ERCC5: variants seen among roughly 807,000 people sequenced by gnomAD.
ERCC5 encodes ERCC excision repair 5, endonuclease.
Under a neutral mutation model 105.6 loss-of-function variants are expected in ERCC5, and 68 were observed. The ratio of observed to expected loss-of-function variants is 0.64; its 90% confidence interval spans 0.53 to 0.79. The LOEUF (loss-of-function observed/expected upper bound fraction) is 0.79. Ranked by LOEUF, ERCC5 falls within the 30% of genes least tolerant of loss-of-function variation. The probability of loss-of-function intolerance (pLI) is 0.00; values close to 1 mark genes in which losing one functional copy is unlikely to be tolerated. For missense variants in ERCC5, 1,373 were observed against 1,426.7 expected (o/e 0.96, Z 0.61); for synonymous variants, 546 against 526.2 (o/e 1.04, Z -0.51).
At chr13:102,869,849 G>A (rs576127546) in intron 12 of ERCC5, among the ~76,000 whole-genome samples, 1 of 152,280 alleles carries the variant, frequency 6.6e-6, no homozygotes, top group South Asian at 2.1e-4. Context: ...TAGACGGTTT[G>A]TGTTTCTGAT....
At chr13:102,858,134 G>A in intron 5 of ERCC5, 141 bp from the exon 6 acceptor site, 1 of 1,211,750 alleles carries the variant, frequency 8.3e-7, no homozygotes, top group Non-Finnish European at 1.2e-6. Context: ...GCCTGTCACA[G>A]ATTATATGCA....
At chr13:102,852,049 AT>A in intron 1 of ERCC5, 68 bp from the exon 2 acceptor site, 1 of 1,540,118 alleles carries the variant, frequency 6.5e-7, no homozygotes, top group Admixed American at 1.7e-5. Flanking sequence ...AATATCAGTT[AT>A]TAGGAAATTG....
In ERCC5 at chr13:102,868,191, G is replaced by T. The variant is rs772219063; in HGVS notation, c.2612G>T (p.Cys871Phe). 2 of 1,614,218 alleles carry T rather than the reference G, an allele frequency of 1.2e-6. No homozygotes were observed. The highest frequency in any genetic ancestry group is 1.3e-5 in the African/African-American group (1 of 75,066). The change falls in exon 12 of 15, where the codon TGT (cysteine) becomes TTT (phenylalanine). Residue 871 changes from cysteine (C) to phenylalanine (F), a missense_variant. Around this residue, in one of 3 missense-constraint regions of ERCC5, gnomAD observed 1,004 missense variants for 1,059.7 expected, o/e 0.95. Transcript: ENST00000652225. ...ACCGAAGGAATACCAACTGTGGGTT[G>T]TGTAACCGCCATGGAAATTCTCAAT... ...DYTEGIPTVG[C>F]VTAMEILNEF...
chr13:102,875,277 A>G (rs750605301), intron 14 of ERCC5, 30 bp from the exon 15 acceptor site: 148 of 1,599,470 alleles, frequency 9.3e-5, no homozygotes, highest in Non-Finnish European at 1.2e-4. Flanking sequence ...TGTCTGATTT[A>G]TTATTATTAT....
At position 102,874,264 on chromosome 13, in the gene ERCC5, T is replaced by C. The variant is rs930730132; in HGVS notation, c.2964+921T>C. ...ACTACTCATTAGTTACCTCCTCTAA[T>C]ACAGTTGTTAACATTTAGGTTAAAA... On this transcript the variant is annotated intron_variant, in intron 14 of 14. Transcript: ENST00000652225. 6.6e-5 allele frequency among the ~76,000 whole-genome samples: 10 copies of C among 152,350 alleles called. No individual in the cohort carries two copies. In the South Asian group the frequency reaches 2.1e-3, roughly 32 times the overall value.
In ERCC5 at chr13:102,875,987, G is replaced by A. The variant is rs873601; in HGVS notation, c.*84G>A. ...CAAAGACGTAATAAAATTAACTGGT[G>A]GCACGGTCTTTGTATTTAGTGTGTG... On this transcript the variant is annotated 3_prime_UTR_variant, in exon 15 of 15. Coordinates refer to ENST00000652225, the MANE Select transcript of ERCC5 (RefSeq NM_000123.4). 1,049,479 of 1,513,566 alleles carry A rather than the reference G, an allele frequency of 0.69. 371,337 individuals carry two copies. The highest frequency in any genetic ancestry group is 0.74 in the South Asian group (63,696 of 86,182). The allele number at this position is 1,513,566 out of a possible 1,614,324, so 93.8% of individuals were successfully genotyped here.
intron 3 of ERCC5, 164 bp downstream of exon 3, chr13:102,854,036 G>C (rs1346118887): frequency 7.8e-6 from 6 of 767,540 alleles, no homozygotes; most frequent in Non-Finnish European, 1.1e-5. Context: ...ATTTGGAGTT[G>C]TGGCAATTCT....
intron 8 of ERCC5, among the ~76,000 whole-genome samples, chr13:102,864,457 T>A (rs4150327): frequency 0.032 from 4,811 of 152,336 alleles, 259 homozygotes; most frequent in African/African-American, 0.11. Context: ...TTATTTTTAA[T>A]CAGTGTAGAC....
At chr13:102,873,575 T>A (rs1375086932) in intron 14 of ERCC5, among the ~76,000 whole-genome samples, 1 of 152,230 alleles carries the variant, frequency 6.6e-6, no homozygotes, top group East Asian at 1.9e-4. Flanking sequence ...CATTTTTTTC[T>A]TTGAAAAAAC....
In ERCC5 at chr13:102,865,920, G is replaced by A. The variant is rs780960167; in HGVS notation, c.2199+9G>A. ...GGCAAGATATTAATTTGGTAATACC[G>A]TAACATTGTGTTTCGACTTCTTGCT... On this transcript the variant is annotated intron_variant, in intron 9 of 14. Coordinates refer to ENST00000652225, the MANE Select transcript of ERCC5 (RefSeq NM_000123.4). This position sits in a 1 kb window ranked among gnomAD's most constrained non-coding sequence, Gnocchi z 4.0. 15 of 1,613,970 alleles carry A rather than the reference G, an allele frequency of 9.3e-6. No individual in the cohort carries two copies. The highest frequency in any genetic ancestry group is 5.0e-5 in the Admixed American group (3 of 59,996).
intron 7 of ERCC5, 45 bp downstream of exon 7, chr13:102,861,759 A>C (rs750803141): frequency 1.1e-5 from 18 of 1,606,384 alleles, no homozygotes; most frequent in East Asian, 2.2e-5. Flanking sequence ...AAAATCAAAG[A>C]TATATCATGA....
intron 12 of ERCC5, among the ~76,000 whole-genome samples, chr13:102,869,729 T>A (rs1477503621): frequency 2.6e-5 from 4 of 152,244 alleles, no homozygotes; most frequent in Non-Finnish European, 5.9e-5. Context: ...GATTTGAGTG[T>A]CCTTAATCTT....
rs1882687600 is a variant in ERCC5 at position 102,862,787 on chromosome 13, G to A, written c.1638G>A (p.Gln546=). Residue 546 remains glutamine (Q), a synonymous_variant, in exon 8 of 15, where the codon CAG becomes CAA. Transcript: ENST00000652225. ...CACATGCTGAAGTGCTTGAGCAGCA[G>A]AACGAACTTTGCCCATATGAGAGTA... ...NETHAEVLEQ[Q]NELCPYESKF... The A allele has an allele frequency of 1.2e-6, 2 of 1,614,114 alleles. No homozygotes were observed. The highest frequency in any genetic ancestry group is 1.7e-6 in the Non-Finnish European group (2 of 1,180,046).
At chr13:102,866,159 A>T in intron 9 of ERCC5, 103 bp from the exon 10 acceptor site, 1 of 1,557,846 alleles carries the variant, frequency 6.4e-7, no homozygotes, top group Non-Finnish European at 8.8e-7. Flanking sequence ...CCTAAGGAGA[A>T]AGAGCTTATT....
In ERCC5 at chr13:102,868,285, A is replaced by T. The variant is rs372477614; in HGVS notation, c.2678+28A>T. 5.0e-6 allele frequency: 8 copies of T among 1,613,836 alleles called. No homozygotes were observed. In the African/African-American group the frequency reaches 1.1e-4, roughly 22 times the overall value. Reference sequence around the variant, plus strand: ...AAGGTCTTTTATTTCTTTAATTTGGATAATTGTGTAAATACCCAAATAAGC... The same window carrying T: ...AAGGTCTTTTATTTCTTTAATTTGGTTAATTGTGTAAATACCCAAATAAGC... On this transcript the variant is annotated intron_variant, in intron 12 of 14. Coordinates refer to ENST00000652225, the MANE Select transcript of ERCC5 (RefSeq NM_000123.4).
intron 12 of ERCC5, among the ~76,000 whole-genome samples, chr13:102,870,110 T>C (rs1882984089): frequency 6.6e-6 from 1 of 152,222 alleles, no homozygotes; most frequent in South Asian, 2.1e-4. Context: ...TCTGTTCTCC[T>C]CTTCTGAGGG....
In ERCC5 at chr13:102,854,359, A is replaced by T; in HGVS notation, c.452A>T (p.Glu151Val). The T allele has an allele frequency of 6.2e-7, 1 of 1,614,156 alleles. No individual in the cohort carries two copies. The highest frequency in any genetic ancestry group is 8.5e-7 in the Non-Finnish European group (1 of 1,180,006). ...NDLYVLPPLQ[E>V]EEKHSSEEED... ...CTCTATGTTTTGCCTCCTTTACAAG[A>T]GGAAGAAAAACACAGGTAAATGTTT... The change falls in exon 4 of 15, where the codon GAG (glutamate) becomes GTG (valine). Residue 151 changes from glutamate (E) to valine (V), a missense_variant. This residue lies in a region of ERCC5 where 1,004 missense variants were observed against 1,059.7 expected (regional missense o/e 0.95). Transcript: ENST00000652225.
At chr13:102,868,014 G>GATCTATATATCT (rs1325407167) in intron 11 of ERCC5, 99 bp from the exon 12 acceptor site, 6 of 1,141,682 alleles carry the variant, frequency 5.3e-6, no homozygotes, top group Non-Finnish European at 7.6e-6. Context: ...GTTGGATATA[G>GATCTATATATCT]ATATAGATAT....
At position 102,875,608 on chromosome 13, in the gene ERCC5, G is replaced by A. The variant is rs777066180; in HGVS notation, c.3266G>A (p.Gly1089Glu). The A allele has an allele frequency of 6.2e-7, 1 of 1,613,396 alleles. No homozygotes were observed. Among genetic ancestry groups the A allele is most frequent in the South Asian group, 1.1e-5 (1 of 90,904 alleles). Residue 1089 changes from glycine to glutamate, a missense_variant, in exon 15 of 15, where the codon GGG becomes GAG. Coordinates refer to ENST00000652225, the MANE Select transcript of ERCC5 (RefSeq NM_000123.4). The part of the protein sequence containing the change: ...KGKNTCGGFL[G>E]ETCLSESSDG... The stretch of plus-strand genomic sequence containing the variant: ...AAGAATACATGCGGTGGATTTTTGG[G>A]GGAGACCTGCCTCTCAGAATCATCT...
Sources: allele counts gnomAD v4.1 joint callset (sites outside exome capture counted in the v4.1 genomes callset), GRCh38; gene constraint gnomAD v4.1.1; regional missense constraint gnomAD v4.1.1; non-coding constraint Gnocchi (gnomAD v3.1); transcripts MANE v1.5; gene names NCBI Gene and HGNC (gene_info 2026-07-23, HGNC 2026-07-21).